MTUS1: variants seen among roughly 807,000 people sequenced by gnomAD.
MTUS1 encodes the protein microtubule-associated tumor suppressor 1.
A neutral mutation model predicts 120.8 loss-of-function variants in MTUS1; 109 were observed. The observed-to-expected ratio is 0.90, with a 90% CI of 0.77 to 1.06. The LOEUF is 1.06. MTUS1 is among the 50% of genes least tolerant of loss of function. The probability of loss-of-function intolerance (pLI) is 0.00; values close to 1 mark genes in which losing one functional copy is unlikely to be tolerated. For synonymous variants in MTUS1, 737 were observed against 550.5 expected, an observed-to-expected ratio of 1.34 and a Z score of -4.74; for missense variants, 2,210 against 1,486.3, an observed-to-expected ratio of 1.49 and a Z score of -8.01.
At chr8:17,691,813 T>C (rs535805365) in intron 6 of MTUS1, among the ~76,000 whole-genome samples, 1 of 152,202 alleles carries the variant, frequency 6.6e-6, no homozygotes, top group Non-Finnish European at 1.5e-5. Context: ...TAACAGTACA[T>C]GAATAAATGC....
chr8:17,764,840 G>GT (rs1480897992), intron 1 of MTUS1, among the ~76,000 whole-genome samples: 2 of 152,190 alleles, frequency 1.3e-5, no homozygotes, highest in African/African-American at 4.8e-5. Context: ...CAACCTTTTT[G>GT]GCACCAGGGA....
intron 6 of MTUS1, among the ~76,000 whole-genome samples, chr8:17,702,830 G>A (rs1406739111): frequency 1.3e-5 from 2 of 152,194 alleles, no homozygotes; most frequent in Non-Finnish European, 2.9e-5. Flanking sequence ...CATTGTTGCA[G>A]GGAGTCAGGG....
At chr8:17,702,964 T>G (rs1191926335) in intron 6 of MTUS1, among the ~76,000 whole-genome samples, 2 of 152,234 alleles carry the variant, frequency 1.3e-5, no homozygotes, top group African/African-American at 4.8e-5. Flanking sequence ...TACTTTAATC[T>G]CTTAATCCTG....
chr8:17,781,608 C>T (rs2050880880), intron 1 of MTUS1, among the ~76,000 whole-genome samples: 2 of 152,184 alleles, frequency 1.3e-5, no homozygotes, highest in African/African-American at 2.4e-5. Context: ...ACTTTCATTT[C>T]TAAAATTTTT....
intron 8 of MTUS1, among the ~76,000 whole-genome samples, chr8:17,667,294 GT>G (rs1398449473): frequency 6.6e-6 from 1 of 152,104 alleles, no homozygotes; most frequent in African/African-American, 2.4e-5. Context: ...TGTACAGTTG[GT>G]TTTCAGTATA....
In MTUS1 at chr8:17,653,297, A is replaced by G. The variant is rs773040979; in HGVS notation, c.3289-16T>C. ...TGATTTGCTTCTAAAACACAATGAA[A>G]TGTGGAACTTAAGTTAACAAGAAAA... On this transcript the variant is annotated splice_polypyrimidine_tract_variant and intron_variant, in intron 11 of 14. Transcript: ENST00000693296. The G allele has an allele frequency of 2.0e-6, 3 of 1,527,512 alleles. No homozygotes were observed. The highest frequency in any genetic ancestry group is 2.5e-5 in the South Asian group (2 of 81,342). The allele number at this position is 1,527,512 out of a possible 1,614,324, so 94.6% of individuals were successfully genotyped here.
rs1563332093 is a variant in MTUS1, at chr8:17,755,166, A to C, written c.642T>G (p.Asp214Glu). Residue 214 changes from aspartate (D) to glutamate (E), a missense_variant, in exon 2 of 15, where the codon GAT (aspartate) becomes GAG (glutamate). Transcript: ENST00000693296. ...AAGTAGTTTCTCTTGCATGCGTCTT[A>C]TCAGAATGGGAAGATGTCCAAGTGG... Reference protein sequence around the residue: ...SYSTWTSSHSDKTHARETTYD... With the variant: ...SYSTWTSSHSEKTHARETTYD... The C allele has an allele frequency of 6.2e-7, 1 of 1,614,182 alleles. No individual in the cohort carries two copies. The highest frequency in any genetic ancestry group is 1.1e-5 in the South Asian group (1 of 91,084).
chr8:17,654,719 T>A, intron 9 of MTUS1, 53 bp from the exon 10 acceptor site: 1 of 1,305,834 alleles, frequency 7.7e-7, no homozygotes, highest in South Asian at 1.2e-5. Context: ...ATGTCCTAAG[T>A]TGAATACGCA....
At chr8:17,745,788 G>A (rs1003212118) in intron 2 of MTUS1, among the ~76,000 whole-genome samples, 3 of 152,066 alleles carry the variant, frequency 2.0e-5, no homozygotes, top group Admixed American at 1.3e-4. Context: ...CCTTTTCTGG[G>A]TCCTATTCTT....
At chr8:17,674,255 A>C (rs1030606807) in intron 8 of MTUS1, among the ~76,000 whole-genome samples, 1 of 152,098 alleles carries the variant, frequency 6.6e-6, no homozygotes, top group Non-Finnish European at 1.5e-5. Flanking sequence ...CCCCATCTCT[A>C]CTAAAAATAC....
chr8:17,725,428 G>A (rs1008649609), intron 3 of MTUS1, among the ~76,000 whole-genome samples: 1 of 152,182 alleles, frequency 6.6e-6, no homozygotes, highest in Non-Finnish European at 1.5e-5. Context: ...ACATCCATGT[G>A]TGCTCTGCTC....
At chr8:17,713,143 T>C in intron 6 of MTUS1, 71 bp downstream of exon 6, 2 of 1,228,688 alleles carry the variant, frequency 1.6e-6, no homozygotes, top group Non-Finnish European at 2.4e-6. Context: ...AAAAAATCAC[T>C]GTAAATACTT....
chr8:17,656,143 G>T, intron 8 of MTUS1, 78 bp from the exon 9 acceptor site: 3 of 1,294,874 alleles, frequency 2.3e-6, no homozygotes, highest in African/African-American at 1.5e-5. Flanking sequence ...GTCACACACA[G>T]CTGTGATGAC....
chr8:17,653,211 C>G lies in MTUS1; in HGVS notation c.3359G>C (p.Arg1120Thr). 2 of 1,549,710 alleles carry G rather than the reference C, an allele frequency of 1.3e-6. No homozygotes were observed. The highest frequency in any genetic ancestry group is 1.2e-5 in the South Asian group (1 of 81,292). The change falls in exon 12 of 15, where the codon AGA becomes ACA. Residue 1120 changes from arginine (R) to threonine (T), a missense_variant. Arg to Thr is a moderately conservative substitution (Grantham distance 71). Transcript: ENST00000693296. ...NEKLKSEEQK[R>T]RAREKANLKN... is the part of the protein sequence containing the mutation. ...CAAATTTGCTTTTTCTCTTGCTCTT[C>G]TTTTTTGTTCTTCTGATTTCAATTT... is the stretch of plus-strand genomic sequence containing the variant.
At position 17,720,171 on chromosome 8, in the gene MTUS1, C is replaced by A. The variant is rs191075293; in HGVS notation, c.2449+3501G>T. Among the ~76,000 whole-genome samples, 51 of 152,044 alleles carry A rather than the reference C, an allele frequency of 3.4e-4. No homozygotes were observed. The Middle Eastern group carries it at 0.014, about 41-fold the overall frequency. On this transcript the variant is annotated intron_variant, in intron 4 of 14. Transcript: ENST00000693296. ...ACCATCCTGGCCAACATGGTGAAACCCCATCTCTACTAAAAATACAAAAAT... is the reference window on the plus strand; with the variant it reads ...ACCATCCTGGCCAACATGGTGAAACACCATCTCTACTAAAAATACAAAAAT...
At chr8:17,761,210 A>G (rs1030723284) in intron 1 of MTUS1, among the ~76,000 whole-genome samples, 11 of 152,220 alleles carry the variant, frequency 7.2e-5, no homozygotes, top group African/African-American at 2.7e-4. Context: ...GCTTTGAGGT[A>G]TAATTCCAAT....
intron 3 of MTUS1, among the ~76,000 whole-genome samples, chr8:17,737,275 C>T (rs866836193): frequency 1.8e-4 from 27 of 152,080 alleles, no homozygotes; most frequent in African/African-American, 3.9e-4. Flanking sequence ...TGTAGAATGG[C>T]GATTATCACA....
At chr8:17,771,659 G>A (rs1347870948) in intron 1 of MTUS1, among the ~76,000 whole-genome samples, 1 of 152,164 alleles carries the variant, frequency 6.6e-6, no homozygotes, top group Non-Finnish European at 1.5e-5. Context: ...TTGCAAGCAG[G>A]CAGTCTACGC....
At chr8:17,699,334 C>T (rs1038263145) in intron 6 of MTUS1, among the ~76,000 whole-genome samples, 3 of 152,176 alleles carry the variant, frequency 2.0e-5, no homozygotes, top group Non-Finnish European at 2.9e-5. Flanking sequence ...TCTCCTGCCT[C>T]AGCCTCCGTA....
Sources: allele counts gnomAD v4.1 joint callset (sites outside exome capture counted in the v4.1 genomes callset), GRCh38; gene constraint gnomAD v4.1.1; transcripts MANE v1.5; gene names NCBI Gene and HGNC (gene_info 2026-07-23, HGNC 2026-07-21).